Variants in COX10 observed in about 807,000 individuals in gnomAD.
The protein encoded by COX10 is cytochrome c oxidase assembly factor heme A:farnesyltransferase COX10.
Under a neutral mutation model 37.3 loss-of-function variants are expected in COX10, and 27 were observed. That is an observed-to-expected ratio of 0.72 (90% CI 0.53 to 1.00). The LOEUF (loss-of-function observed/expected upper bound fraction) is 1.00. Among genes scored for constraint, COX10 ranks in the 50% least tolerant of loss-of-function variants. The pLI is 0.00. For missense variants in COX10, 475 were observed against 563.2 expected (o/e 0.84, Z 1.59); for synonymous variants, 222 against 229.1 (o/e 0.97, Z 0.28).
At position 14,174,125 on chromosome 17, in the gene COX10, T is replaced by C. The variant is rs572521576; in HGVS notation, c.695+14178T>C. 1.4e-4 allele frequency among the ~76,000 whole-genome samples: 21 copies of C among 151,556 alleles called. No individual in the cohort carries two copies. The East Asian group carries it at 3.9e-3, about 28-fold the overall frequency. ...TGATGAAGAACTCATGTACAGAATA[T>C]AGAAAGAAGTCTTAAACTCATTAAG... On this transcript the variant is annotated intron_variant, in intron 5 of 6. Coordinates refer to ENST00000261643, the MANE Select transcript of COX10 (RefSeq NM_001303.4).
intron 4 of COX10, among the ~76,000 whole-genome samples, chr17:14,121,466 T>C (rs1597508980): frequency 6.6e-6 from 1 of 152,162 alleles, no homozygotes. Flanking sequence ...GTTCTAACAG[T>C]TGCAGTTTCC....
chr17:14,076,946 C>G lies in COX10; in HGVS notation c.389C>G (p.Ser130Ter). The change falls in exon 3 of 7, where the codon TCA becomes TGA. Residue 130 changes from serine to a stop codon, truncating the protein, a stop_gained. Coordinates refer to ENST00000261643, the MANE Select transcript of COX10 (RefSeq NM_001303.4). LOFTEE classifies it high-confidence loss of function. ...GAGCCAGACTCAGTAATTGAAGACT[C>G]AATAGATGTAGGGAAAGAGACAAAA... The part of the protein sequence containing the change: ...ELEPDSVIED[S>*]IDVGKETKEE... The G allele has an allele frequency of 1.2e-6, 2 of 1,614,078 alleles. No individual in the cohort carries two copies. Among genetic ancestry groups the G allele is most frequent in the Non-Finnish European group, 1.7e-6 (2 of 1,180,018 alleles).
intron 5 of COX10, among the ~76,000 whole-genome samples, chr17:14,165,551 TG>T (rs552239754): frequency 5.4e-4 from 83 of 152,326 alleles, no homozygotes; most frequent in Admixed American, 1.6e-3. Flanking sequence ...TCCTGCTCCT[TG>T]GACCTCCCTA....
At chr17:14,201,942 A>G (rs1857564930) in intron 6 of COX10, among the ~76,000 whole-genome samples, 1 of 152,176 alleles carries the variant, frequency 6.6e-6, no homozygotes, top group South Asian at 2.1e-4. Flanking sequence ...TCAAAATATA[A>G]AGAAGTCTAC....
At chr17:14,150,194 G>A (rs1041820397) in intron 4 of COX10, among the ~76,000 whole-genome samples, 4 of 151,834 alleles carry the variant, frequency 2.6e-5, no homozygotes, top group African/African-American at 9.7e-5. Flanking sequence ...GATCCCTTGA[G>A]CCCAGGATGC....
intron 4 of COX10, among the ~76,000 whole-genome samples, chr17:14,150,543 T>A (rs1323146073): frequency 6.6e-6 from 1 of 152,206 alleles, no homozygotes; most frequent in East Asian, 1.9e-4. Context: ...GGAGGTAACC[T>A]GACCATTGGA....
intron 4 of COX10, among the ~76,000 whole-genome samples, chr17:14,142,383 C>T (rs1241279933): frequency 1.3e-5 from 2 of 152,126 alleles, no homozygotes; most frequent in Non-Finnish European, 2.9e-5. Context: ...TATTGTAATT[C>T]TCTTAATATT....
chr17:14,126,438 T>G (rs1030361450), intron 4 of COX10, among the ~76,000 whole-genome samples: 1 of 152,206 alleles, frequency 6.6e-6, no homozygotes, highest in African/African-American at 2.4e-5. Flanking sequence ...TCAGTTTTAA[T>G]AAACATCCTG....
chr17:14,075,806 C>G (rs1012274600), intron 2 of COX10, among the ~76,000 whole-genome samples: 1 of 151,524 alleles, frequency 6.6e-6, no homozygotes, highest in Non-Finnish European at 1.5e-5. Flanking sequence ...CTGGCTAACA[C>G]GGTGAAACCC....
At chr17:14,111,278 T>C (rs1277730567) in intron 4 of COX10, among the ~76,000 whole-genome samples, 1 of 152,164 alleles carries the variant, frequency 6.6e-6, no homozygotes, top group African/African-American at 2.4e-5. Context: ...CCTGTGTGAT[T>C]AATCTTAAGG....
chr17:14,166,913 C>G (rs761265258), intron 5 of COX10, among the ~76,000 whole-genome samples: 1 of 151,172 alleles, frequency 6.6e-6, no homozygotes, highest in South Asian at 2.1e-4. Flanking sequence ...GGATTGCAGC[C>G]GTGATTGACT....
At chr17:14,171,582 G>A (rs943600891) in intron 5 of COX10, among the ~76,000 whole-genome samples, 6 of 151,730 alleles carry the variant, frequency 4.0e-5, no homozygotes, top group Non-Finnish European at 7.3e-5. Context: ...CAGGGAATGC[G>A]TCTTGAAGCT....
intron 5 of COX10, among the ~76,000 whole-genome samples, chr17:14,174,456 CAAAAA>C (rs61593222): frequency 1.5e-5 from 1 of 66,170 alleles, no homozygotes; most frequent in African/African-American, 5.6e-5. Flanking sequence ...AAGACCCTGT[CAAAAA>C]AAAAAAAAAA....
intron 3 of COX10, among the ~76,000 whole-genome samples, chr17:14,087,379 T>A (rs908269017): frequency 2.6e-5 from 4 of 152,186 alleles, no homozygotes; most frequent in South Asian, 2.1e-4. Context: ...GACAACACTA[T>A]CCAGACAGTA....
At chr17:14,188,036 C>T (rs961302004) in intron 5 of COX10, among the ~76,000 whole-genome samples, 1 of 151,628 alleles carries the variant, frequency 6.6e-6, no homozygotes, top group Non-Finnish European at 1.5e-5. Context: ...CTTTTCGTAA[C>T]ACTAATGTCT....
At chr17:14,175,128 G>A (rs57550038) in intron 5 of COX10, among the ~76,000 whole-genome samples, 31,483 of 76,262 alleles carry the variant, frequency 0.41, 9,543 homozygotes, top group East Asian at 0.6. Context: ...ATAGAGGGGC[G>A]TAAGAAACTT....
chr17:14,110,129 A>T (rs1915979240), intron 4 of COX10, among the ~76,000 whole-genome samples: 1 of 152,162 alleles, frequency 6.6e-6, no homozygotes, highest in Non-Finnish European at 1.5e-5. Context: ...GGCACAAAAC[A>T]TAAGTAGAAT....
At chr17:14,116,006 T>C (rs1284164350) in intron 4 of COX10, among the ~76,000 whole-genome samples, 2 of 152,172 alleles carry the variant, frequency 1.3e-5, no homozygotes, top group African/African-American at 4.8e-5. Flanking sequence ...TTCTACCCCA[T>C]ACATTTATTT....
At chr17:14,138,670 T>A (rs1458752964) in intron 4 of COX10, among the ~76,000 whole-genome samples, 1 of 152,174 alleles carries the variant, frequency 6.6e-6, no homozygotes, top group Admixed American at 6.6e-5. Flanking sequence ...TCATAATCGG[T>A]CCTTTCTCTA....
Sources: gnomAD v4.1 joint callset for allele counts (sites outside exome capture counted in the v4.1 genomes callset) on GRCh38, gnomAD v4.1.1 for gene constraint, MANE v1.5 for transcripts, NCBI Gene and HGNC (gene_info 2026-07-23, HGNC 2026-07-21) for gene names.